The following PDE4B variants were observed in gnomAD, a reference collection of about 807,000 sequenced individuals.
PDE4B encodes the protein 3',5'-cyclic-AMP phosphodiesterase 4B.
Under a neutral mutation model 82.2 loss-of-function variants are expected in PDE4B, and 20 were observed. The ratio of observed to expected loss-of-function variants is 0.24; its 90% confidence interval spans 0.17 to 0.35. The LOEUF (loss-of-function observed/expected upper bound fraction) is 0.35, where lower values mean the gene tolerates loss of function less well. PDE4B is among the 10% of genes least tolerant of loss of function. The pLI is 1.00. For synonymous variants in PDE4B, 320 were observed against 318.9 expected, an observed-to-expected ratio of 1.00 and a Z score of -0.04; for missense variants, 655 against 907.2, an observed-to-expected ratio of 0.72 and a Z score of 3.57.
At chr1:66,354,339 G>A (rs562138218) in intron 8 of PDE4B, 3 of 958,426 alleles carry the variant, frequency 3.1e-6, no homozygotes, top group Non-Finnish European at 3.7e-6. Flanking sequence ...ATGGGGGAGG[G>A]TACTGACTTC....
chr1:66,347,628 A>T (rs573562984), intron 8 of PDE4B, among the ~76,000 whole-genome samples: 2 of 152,350 alleles, frequency 1.3e-5, no homozygotes, highest in South Asian at 2.1e-4. Context: ...GAAATCGCTA[A>T]TCTAGAAGTG....
At chr1:65,902,935 A>G (rs895616068) in intron 1 of PDE4B, among the ~76,000 whole-genome samples, 29 of 152,208 alleles carry the variant, frequency 1.9e-4, no homozygotes, top group African/African-American at 6.3e-4. Flanking sequence ...CAAACTGTGG[A>G]CCAAAAGCCA....
chr1:66,152,615 T>TAA (rs1406336154), intron 3 of PDE4B: 9 of 112,732 alleles, frequency 8.0e-5, no homozygotes, highest in East Asian at 4.4e-4. Flanking sequence ...TACACATATA[T>TAA]ATATTTATAT....
intron 3 of PDE4B, among the ~76,000 whole-genome samples, chr1:65,965,401 C>G (rs1476474440): frequency 6.6e-6 from 1 of 152,020 alleles, no homozygotes; most frequent in East Asian, 1.9e-4. Flanking sequence ...GTACCCAGTA[C>G]AGAAAGATAG....
chr1:66,005,596 G>T (rs1013227221), intron 3 of PDE4B, among the ~76,000 whole-genome samples: 2 of 152,064 alleles, frequency 1.3e-5, no homozygotes, highest in African/African-American at 4.8e-5. Flanking sequence ...TTGAAAAGTG[G>T]TTATTCAAAT....
intron 3 of PDE4B, among the ~76,000 whole-genome samples, chr1:65,928,051 A>T (rs773711230): frequency 5.6e-4 from 86 of 152,304 alleles, no homozygotes; most frequent in Non-Finnish European, 6.9e-4. Context: ...AGTGTCCACT[A>T]GTTCCTTAAA....
intron 3 of PDE4B, among the ~76,000 whole-genome samples, chr1:66,216,412 A>G (rs1185156857): frequency 2.0e-5 from 3 of 152,088 alleles, no homozygotes; most frequent in Non-Finnish European, 2.9e-5. Flanking sequence ...TCCCCAACAG[A>G]GTTGAGATTT....
At chr1:66,306,735 A>T (rs1005219800) in intron 7 of PDE4B, among the ~76,000 whole-genome samples, 1 of 152,140 alleles carries the variant, frequency 6.6e-6, no homozygotes, top group African/African-American at 2.4e-5. Context: ...ATCCAGTGGG[A>T]GTAAGTAACT....
chr1:65,940,511 T>C (rs183891410), intron 3 of PDE4B, among the ~76,000 whole-genome samples: 172 of 152,226 alleles, frequency 1.1e-3, no homozygotes, highest in Middle Eastern at 6.8e-3. Context: ...AGAAGCAAAG[T>C]GGAAGCAGAG....
At chr1:66,072,423 C>T (rs1390572523) in intron 3 of PDE4B, among the ~76,000 whole-genome samples, 1 of 152,042 alleles carries the variant, frequency 6.6e-6, no homozygotes, top group Admixed American at 6.6e-5. Context: ...TGGATATTTC[C>T]TTATAATTTC....
In PDE4B at chr1:66,294,494, A is replaced by T. The variant is rs57117496; in HGVS notation, c.634+28407A>T. Among the ~76,000 whole-genome samples the T allele has an allele frequency of 8.3e-3, 1,257 of 152,302 alleles. 16 individuals carry two copies. Among genetic ancestry groups the T allele is most frequent in the African/African-American group, 0.029 (1,186 of 41,564 alleles). On this transcript the variant is annotated intron_variant, in intron 7 of 16. Transcript: ENST00000341517. ...TTTTGGTTTTCTAAAGTCAGTCTTC[A>T]CTATCTTCGTAGCCCAAATTAGCCA...
At chr1:66,139,380 C>T (rs74084636) in intron 3 of PDE4B, among the ~76,000 whole-genome samples, 2,529 of 152,108 alleles carry the variant, frequency 0.017, 64 homozygotes, top group African/African-American at 0.058. Context: ...GGCCAGTTTC[C>T]TCATCCCATT....
At chr1:66,033,397 C>CAGG (rs1653897724) in intron 3 of PDE4B, among the ~76,000 whole-genome samples, 1 of 152,174 alleles carries the variant, frequency 6.6e-6, no homozygotes, top group African/African-American at 2.4e-5. Context: ...CCATGTGTTG[C>CAGG]CTGGCTCAGG....
At chr1:66,236,784 C>T (rs1652493880) in intron 3 of PDE4B, among the ~76,000 whole-genome samples, 1 of 152,116 alleles carries the variant, frequency 6.6e-6, no homozygotes, top group Non-Finnish European at 1.5e-5. Context: ...GTATCCATAG[C>T]AGCAAGAAGA....
rs772392785 is a variant in PDE4B, at chr1:66,363,229, A to G, written c.1082A>G (p.Asn361Ser). The G allele has an allele frequency of 6.2e-6, 10 of 1,612,962 alleles. No individual in the cohort carries two copies. The highest frequency in any genetic ancestry group is 2.5e-6 in the Non-Finnish European group (3 of 1,179,038). The change falls in exon 11 of 17, where the codon AAT becomes AGT. Residue 361 changes from asparagine (N) to serine (S), a missense_variant. By Grantham distance (46) the Asn-to-Ser change is conservative. This residue lies in a region of PDE4B where 283 missense variants were observed against 516.4 expected (regional missense o/e 0.55). Coordinates refer to ENST00000341517, the MANE Select transcript of PDE4B (RefSeq NM_002600.4). ...TTTAATGTGGCTGGATATTCTCACA[A>G]TAGACCCCTAACATGCATCATGTAT... ...NIFNVAGYSH[N>S]RPLTCIMYAI...
At chr1:66,175,902 A>G (rs1268689797) in intron 3 of PDE4B, among the ~76,000 whole-genome samples, 3 of 152,218 alleles carry the variant, frequency 2.0e-5, no homozygotes, top group African/African-American at 7.2e-5. Flanking sequence ...TTTGGGACAG[A>G]AAAACAAACT....
chr1:66,246,496 G>A (rs1653322487), intron 3 of PDE4B, among the ~76,000 whole-genome samples: 1 of 152,218 alleles, frequency 6.6e-6, no homozygotes. Flanking sequence ...AGCAGTGAGA[G>A]TTCTGGAGAA....
intron 13 of PDE4B, 104 bp downstream of exon 13, chr1:66,365,870 G>A (rs1663207090): frequency 5.0e-6 from 3 of 598,952 alleles, no homozygotes; most frequent in African/African-American, 1.8e-5. Context: ...GGATAATAAT[G>A]AGGCAATCCT....
At position 66,257,508 on chromosome 1, in the gene PDE4B, A is replaced by C. The variant is rs1401243990; in HGVS notation, c.477-139A>C. The stretch of plus-strand genomic sequence containing the variant: ...GAATACCCTTTCGTGCCAAATTGTG[A>C]GTCCTGTCTTATATCCAGGTAGAAG... On this transcript the variant is annotated intron_variant, in intron 4 of 16. Transcript: ENST00000341517. 3 of 898,870 alleles carry C rather than the reference A, an allele frequency of 3.3e-6. No individual in the cohort carries two copies. In the Admixed American group the frequency reaches 5.2e-5, roughly 16 times the overall value. 55.7% of individuals were successfully genotyped at this position (898,870 alleles called of 1,614,324 possible). A position where few individuals can be genotyped will look rare whatever the true frequency, so the allele number is the denominator to read the frequency against.
Sources: allele counts gnomAD v4.1 joint callset (sites outside exome capture counted in the v4.1 genomes callset), GRCh38; gene constraint gnomAD v4.1.1; regional missense constraint gnomAD v4.1.1; transcripts MANE v1.5; gene names NCBI Gene and HGNC (gene_info 2026-07-23, HGNC 2026-07-21).